The following CNTN5 variants were observed in gnomAD, a reference collection of about 807,000 sequenced individuals.
CNTN5 encodes contactin-5.
Under a neutral mutation model 129.1 loss-of-function variants are expected in CNTN5, and 77 were observed. The ratio of observed to expected loss-of-function variants is 0.60; its 90% CI spans 0.50 to 0.72. The LOEUF (loss-of-function observed/expected upper bound fraction) is 0.72, where lower values mean the gene tolerates loss of function less well. Ranked by LOEUF, CNTN5 falls within the 30% of genes least tolerant of loss-of-function variation. The probability of loss-of-function intolerance (pLI) is 0.00; values close to 1 mark genes in which losing one functional copy is unlikely to be tolerated. For missense variants in CNTN5, 1,478 were observed against 1,328.8 expected (o/e 1.11, Z -1.75); for synonymous variants, 509 against 465.6 (o/e 1.09, Z -1.20).
intron 3 of CNTN5, among the ~76,000 whole-genome samples, chr11:99,614,215 A>G (rs187069177): frequency 7.2e-5 from 11 of 152,336 alleles, no homozygotes; most frequent in Admixed American, 4.6e-4. Flanking sequence ...TGTTTTTACT[A>G]TATCAATTCC....
chr11:99,414,159 T>A (rs1262023236), intron 2 of CNTN5, among the ~76,000 whole-genome samples: 1 of 152,222 alleles, frequency 6.6e-6, no homozygotes, highest in African/African-American at 2.4e-5. Context: ...TATATTATAT[T>A]TCTGTCCAAC....
At chr11:100,123,181 C>G (rs1424025851) in intron 13 of CNTN5, among the ~76,000 whole-genome samples, 1 of 151,714 alleles carries the variant, frequency 6.6e-6, no homozygotes, top group Non-Finnish European at 1.5e-5. Flanking sequence ...AGGAGTCTAA[C>G]AAAACTAATG....
chr11:99,499,222 C>T (rs1490108501), intron 2 of CNTN5, among the ~76,000 whole-genome samples: 1 of 152,134 alleles, frequency 6.6e-6, no homozygotes, highest in African/African-American at 2.4e-5. Context: ...TTCTGTTCTT[C>T]ATGAATTTTT....
intron 1 of CNTN5, among the ~76,000 whole-genome samples, chr11:99,214,164 A>G (rs567259367): frequency 2.6e-5 from 4 of 152,144 alleles, no homozygotes; most frequent in Admixed American, 1.3e-4. Context: ...GTACAGATTT[A>G]TCCAAACTCT....
At chr11:99,994,162 G>T (rs1939299669) in intron 8 of CNTN5, among the ~76,000 whole-genome samples, 1 of 125,244 alleles carries the variant, frequency 8.0e-6, no homozygotes, top group African/African-American at 3.8e-5. Context: ...TAACGACAAT[G>T]GCAACAAAAG....
At chr11:99,414,250 A>C (rs1316741505) in intron 2 of CNTN5, among the ~76,000 whole-genome samples, 2 of 152,152 alleles carry the variant, frequency 1.3e-5, no homozygotes, top group Non-Finnish European at 2.9e-5. Flanking sequence ...TGCAATATTG[A>C]TATCACTGTG....
intron 2 of CNTN5, among the ~76,000 whole-genome samples, chr11:99,391,820 C>G (rs1398336956): frequency 1.3e-5 from 2 of 151,758 alleles, no homozygotes; most frequent in Non-Finnish European, 2.9e-5. Context: ...CCTGGGATAC[C>G]CTTGTCATAT....
intron 8 of CNTN5, among the ~76,000 whole-genome samples, chr11:99,994,597 T>A (rs546776061): frequency 1.3e-5 from 2 of 152,306 alleles, no homozygotes; most frequent in South Asian, 4.1e-4. Flanking sequence ...TTAGGTTTAA[T>A]AAGCATCATG....
At chr11:99,626,211 G>T (rs1951127488) in intron 3 of CNTN5, among the ~76,000 whole-genome samples, 1 of 152,076 alleles carries the variant, frequency 6.6e-6, no homozygotes, top group Non-Finnish European at 1.5e-5. Context: ...GATTAATTCA[G>T]CCTGATGGAA....
intron 1 of CNTN5, among the ~76,000 whole-genome samples, chr11:99,137,516 A>T (rs1055295645): frequency 6.6e-6 from 1 of 152,178 alleles, no homozygotes; most frequent in Admixed American, 6.5e-5. Flanking sequence ...AGAGTAAAAG[A>T]ATCAACCTAT....
intron 1 of CNTN5, among the ~76,000 whole-genome samples, chr11:99,237,142 A>G (rs576349801): frequency 1.3e-5 from 2 of 152,142 alleles, no homozygotes; most frequent in African/African-American, 2.4e-5. Flanking sequence ...TTCAACAGGC[A>G]ATATTACTAC....
chr11:99,241,328 T>TTTG (rs1555086961), intron 1 of CNTN5, among the ~76,000 whole-genome samples: 2 of 149,278 alleles, frequency 1.3e-5, no homozygotes, highest in Non-Finnish European at 3.0e-5. Context: ...GTTTTTTTTT[T>TTTG]TTTTTTTTTT....
chr11:99,639,963 G>A (rs1951711377), intron 3 of CNTN5, among the ~76,000 whole-genome samples: 1 of 152,024 alleles, frequency 6.6e-6, no homozygotes, highest in Non-Finnish European at 1.5e-5. Context: ...TCTAGGGCAG[G>A]GACAAAATGC....
chr11:100,324,956 T>A (rs1035275356), intron 21 of CNTN5, among the ~76,000 whole-genome samples: 1 of 152,224 alleles, frequency 6.6e-6, no homozygotes, highest in East Asian at 1.9e-4. Flanking sequence ...ATGCATGCAA[T>A]TTAATAATAC....
At chr11:99,301,216 G>A (rs190989819) in intron 1 of CNTN5, among the ~76,000 whole-genome samples, 1 of 151,298 alleles carries the variant, frequency 6.6e-6, no homozygotes, top group Admixed American at 6.6e-5. Flanking sequence ...AAAACAAGTA[G>A]CAAAATGGCA....
At chr11:100,056,210 T>C (rs1437070376) in intron 9 of CNTN5, among the ~76,000 whole-genome samples, 2 of 151,782 alleles carry the variant, frequency 1.3e-5, no homozygotes, top group East Asian at 1.9e-4. Context: ...CCAAGTTTTA[T>C]TGCTGTGAAC....
rs1948362483 is a variant in CNTN5 at position 99,548,139 on chromosome 11, ATAT to A, written c.-70-7998_-70-7996del. Among the ~76,000 whole-genome samples, 6 of 152,116 alleles carry A rather than the reference ATAT, an allele frequency of 3.9e-5. No homozygotes were observed. In the South Asian group the frequency reaches 1.2e-3, roughly 32 times the overall value. ...TACTATTTTTCCTTTTGTCTGATAA[ATAT>A]TATTATTTTTCTCTGTAAGGATTTA... On this transcript the variant is annotated intron_variant, in intron 2 of 24. Transcript: ENST00000524871.
chr11:99,719,255 G>T (rs939462563), intron 3 of CNTN5, among the ~76,000 whole-genome samples: 3 of 152,070 alleles, frequency 2.0e-5, no homozygotes, highest in African/African-American at 7.2e-5. Flanking sequence ...AGAGATAAAA[G>T]GTTGCAGTGA....
intron 1 of CNTN5, among the ~76,000 whole-genome samples, chr11:99,310,477 G>C (rs79653919): frequency 6.6e-6 from 1 of 151,922 alleles, no homozygotes; most frequent in African/African-American, 2.4e-5. Context: ...TTATTACGTT[G>C]GTAAAATGTT....
Sources: allele counts gnomAD v4.1 joint callset (sites outside exome capture counted in the v4.1 genomes callset), GRCh38; gene constraint gnomAD v4.1.1; transcripts MANE v1.5; gene names NCBI Gene and HGNC (gene_info 2026-07-23, HGNC 2026-07-21).